The following SVEP1 variants were observed in gnomAD, a reference collection of about 807,000 sequenced individuals.
The protein encoded by SVEP1 is sushi, von Willebrand factor type A, EGF and pentraxin domain containing 1, also known as sushi, von Willebrand factor type A, EGF and pentraxin domain-containing protein 1.
In SVEP1, 164 loss-of-function variants were observed where a neutral mutation model predicts 367.3. That is an observed-to-expected ratio of 0.45 (90% CI 0.39 to 0.51). The LOEUF (loss-of-function observed/expected upper bound fraction) is 0.51, where lower values mean the gene tolerates loss of function less well. Among genes scored for constraint, SVEP1 ranks in the 20% least tolerant of loss-of-function variants. The pLI, the probability that SVEP1 is intolerant of heterozygous loss-of-function variation, is 0.00. For synonymous variants in SVEP1, 1,666 were observed against 1,611.6 expected (o/e 1.03, Z -0.81); for missense variants, 4,117 against 4,425.3 (o/e 0.93, Z 1.98).
intron 27 of SVEP1, chr9:110,442,461 CT>C (rs11290774): frequency 0.4 from 53,216 of 133,178 alleles, 9,156 homozygotes; most frequent in Admixed American, 0.43. Flanking sequence ...TTTCTTTTTT[CT>C]TTTTTTTTTT....
At chr9:110,467,015 T>A (rs1828949487) in intron 17 of SVEP1, among the ~76,000 whole-genome samples, 2 of 152,118 alleles carry the variant, frequency 1.3e-5, no homozygotes, top group Admixed American at 1.3e-4. Flanking sequence ...CAAACAACTC[T>A]CCTTTTCACC....
chr9:110,368,576 C>T (rs1374395226), intron 47 of SVEP1, among the ~76,000 whole-genome samples: 1 of 152,178 alleles, frequency 6.6e-6, no homozygotes, highest in African/African-American at 2.4e-5. Context: ...TTAAATCATG[C>T]AAACTCTCTC....
At chr9:110,391,445 A>AT (rs1270998092) in intron 40 of SVEP1, among the ~76,000 whole-genome samples, 8 of 151,554 alleles carry the variant, frequency 5.3e-5, no homozygotes. Context: ...TAATTTTTGT[A>AT]TTTTTTAGTA....
At chr9:110,491,590 G>GTGGTGTGTGTGT (rs1554719181) in intron 8 of SVEP1, among the ~76,000 whole-genome samples, 1 of 147,732 alleles carries the variant, frequency 6.8e-6, no homozygotes, top group Admixed American at 6.8e-5. Flanking sequence ...TATAGAATGG[G>GTGGTGTGTGTGT]GTGTGTGTGT....
At chr9:110,511,488 CTTTTTTTTTTTTTT>C (rs199993986) in intron 5 of SVEP1, among the ~76,000 whole-genome samples, 115 of 77,534 alleles carry the variant, frequency 1.5e-3, no homozygotes, top group Middle Eastern at 4.8e-3. Context: ...GTGTCAGTAC[CTTTTTTTTTTTTTT>C]TTTTTTTTTT....
chr9:110,481,120 T>C (rs910686420), intron 12 of SVEP1, 122 bp downstream of exon 12: 1 of 692,312 alleles, frequency 1.4e-6, no homozygotes, highest in Non-Finnish European at 2.2e-6. Flanking sequence ...TTCACAAACA[T>C]TTCAAATTCA....
rs777909503 is a variant in SVEP1 at position 110,387,476 on chromosome 9, A to T, written c.9887-18T>A. On this transcript the variant is annotated intron_variant, in intron 41 of 47. Coordinates refer to ENST00000374469, the MANE Select transcript of SVEP1 (RefSeq NM_153366.4). ...CCTGGTCTCTAAAAACAAGAATAAA[A>T]GCCTCATATTAATTGCTTCCCCAAT... 7 of 1,578,940 alleles carry T rather than the reference A, an allele frequency of 4.4e-6. No individual in the cohort carries two copies. In the African/African-American group the frequency reaches 8.2e-5, roughly 19 times the overall value.
At chr9:110,533,134 C>T (rs1437443547) in intron 3 of SVEP1, among the ~76,000 whole-genome samples, 1 of 152,116 alleles carries the variant, frequency 6.6e-6, no homozygotes, top group Non-Finnish European at 1.5e-5. Context: ...GTAAGGCTTG[C>T]TCACCTGCCG....
rs767714827 is a variant in SVEP1, at chr9:110,430,042, A to C, written c.5531-38T>G. ...AAAACAAACACGTGACTTTTTTGAG[A>C]CTGTGTGCAAAAATCTTTGAAATTT... On this transcript the variant is annotated intron_variant, in intron 33 of 47. Transcript: ENST00000374469. 9 of 1,590,676 alleles carry C rather than the reference A, an allele frequency of 5.7e-6. No homozygotes were observed. In the South Asian group the frequency reaches 7.8e-5, roughly 14 times the overall value.
At chr9:110,499,019 C>A (rs1354685495) in intron 7 of SVEP1, 22 bp downstream of exon 7, 12 of 1,595,946 alleles carry the variant, frequency 7.5e-6, no homozygotes, top group Non-Finnish European at 1.0e-5. Context: ...TGATTTTTAG[C>A]CTGACTAGTG....
intron 14 of SVEP1, chr9:110,475,979 C>G: frequency 2.5e-6 from 1 of 407,620 alleles, no homozygotes; most frequent in East Asian, 4.9e-5. Context: ...TAGTTTTTGT[C>G]ATTTTTAAGA....
Position 110,443,717 on chromosome 9 carries a change from C to T in SVEP1, c.4467G>A (p.Trp1489Ter). ...TTTCCCTGCCATTCACATAAAGAACCCAGCTGTAGAGAGAAAGATTCCAGG... is the reference window on the plus strand; with the variant it reads ...TTTCCCTGCCATTCACATAAAGAACTCAGCTGTAGAGAGAAAGATTCCAGG... ...NTLLLTDYNG[W>*]VLYVNGREKI... The change falls in exon 27 of 48, where the codon TGG becomes TGA. Residue 1489 changes from tryptophan (W) to a stop codon, truncating the protein, a stop_gained. Transcript: ENST00000374469. LOFTEE classifies it high-confidence loss of function. 1 of 1,593,172 alleles carries T rather than the reference C, an allele frequency of 6.3e-7. No homozygotes were observed. Among genetic ancestry groups the T allele is most frequent in the Non-Finnish European group, 8.6e-7 (1 of 1,168,394 alleles).
At chr9:110,383,963 G>GA (rs34979308) in intron 43 of SVEP1, among the ~76,000 whole-genome samples, 106,648 of 150,850 alleles carry the variant, frequency 0.71, 37,819 homozygotes, top group Middle Eastern at 0.8. Context: ...CACCAGCAGG[G>GA]AAAAAAAAAT....
intron 6 of SVEP1, among the ~76,000 whole-genome samples, chr9:110,502,723 TATGAGGC>T (rs1182817120): frequency 1.3e-5 from 2 of 152,212 alleles, no homozygotes; most frequent in African/African-American, 4.8e-5. Flanking sequence ...GCAAGGGTAT[TATGAGGC>T]ATTTGCATTT....
chr9:110,389,718 C>T (rs991422680), intron 40 of SVEP1, 131 bp from the exon 41 acceptor site: 2 of 974,184 alleles, frequency 2.1e-6, no homozygotes, highest in African/African-American at 1.6e-5. Context: ...ATGTTAAAAA[C>T]ATTTTTGAAA....
rs528412316 is a variant in SVEP1 at position 110,525,340 on chromosome 9, AAT to A, written c.965-11236_965-11235del. ...TGAACATGTGGACAATGAAATTAAAAATATGTTTACAATTATTTACTATTGCT... is the reference window on the plus strand; with the variant it reads ...TGAACATGTGGACAATGAAATTAAAAATGTTTACAATTATTTACTATTGCT... On this transcript the variant is annotated intron_variant, in intron 3 of 47. Transcript: ENST00000374469. Among the ~76,000 whole-genome samples, 149 of 152,340 alleles carry A rather than the reference AAT, an allele frequency of 9.8e-4. 1 individual carries two copies. The highest frequency in any genetic ancestry group is 3.3e-3 in the African/African-American group (138 of 41,590).
At position 110,427,768 on chromosome 9, in the gene SVEP1, A is replaced by G; in HGVS notation, c.5808-10T>C. The G allele has an allele frequency of 6.2e-7, 1 of 1,606,222 alleles. No individual in the cohort carries two copies. Among genetic ancestry groups the G allele is most frequent in the Non-Finnish European group, 8.5e-7 (1 of 1,176,288 alleles). ...GGAAGGGCCCTGTAAGCTGCGGGAA[A>G]GAATGATGTTACTCTTTCATTGGCT... On this transcript the variant is annotated splice_polypyrimidine_tract_variant and intron_variant, in intron 35 of 47. Coordinates refer to ENST00000374469, the MANE Select transcript of SVEP1 (RefSeq NM_153366.4).
Position 110,496,941 on chromosome 9 carries a change from A to AG in SVEP1, c.1682-9dup. 1 of 1,511,578 alleles carries AG rather than the reference A, an allele frequency of 6.6e-7. No homozygotes were observed. The highest frequency in any genetic ancestry group is 9.0e-7 in the Non-Finnish European group (1 of 1,114,540). 93.6% of individuals were successfully genotyped at this position (1,511,578 alleles called of 1,614,324 possible). A position where few individuals can be genotyped will look rare whatever the true frequency, so the allele number is the denominator to read the frequency against. ...TTTGAGGAGCCTCCACGTCTAACTC[A>AG]GAAAAATACACAAGTAGATTAATAC... is the stretch of plus-strand genomic sequence containing the variant. On this transcript the variant is annotated splice_polypyrimidine_tract_variant and intron_variant, in intron 7 of 47. Transcript: ENST00000374469.
chr9:110,483,517 TA>T, intron 10 of SVEP1, 68 bp downstream of exon 10: 1 of 1,116,616 alleles, frequency 9.0e-7, no homozygotes, highest in Non-Finnish European at 1.2e-6. Context: ...TTTATCCCAT[TA>T]AAAAGCTTTT....
Sources: allele counts gnomAD v4.1 joint callset (sites outside exome capture counted in the v4.1 genomes callset), GRCh38; gene constraint gnomAD v4.1.1; transcripts MANE v1.5; gene names NCBI Gene and HGNC (gene_info 2026-07-23, HGNC 2026-07-21).